The following MLLT3 variants were observed in gnomAD, a reference collection of about 807,000 sequenced individuals.
MLLT3 encodes MLLT3 super elongation complex subunit, also known as protein AF-9.
A neutral mutation model predicts 53.2 loss-of-function variants in MLLT3; 4 were observed. That is an observed-to-expected ratio of 0.08 (90% CI 0.04 to 0.17). The LOEUF is 0.17. Among genes scored for constraint, MLLT3 ranks in the 10% least tolerant of loss-of-function variants. MLLT3 has a pLI of 1.00. For synonymous variants in MLLT3, 283 were observed against 230.6 expected, an observed-to-expected ratio of 1.23 and a Z score of -2.06; for missense variants, 569 against 684.0, an observed-to-expected ratio of 0.83 and a Z score of 1.87.
At chr9:20,480,991 C>A (rs1285880951) in intron 2 of MLLT3, among the ~76,000 whole-genome samples, 2 of 152,002 alleles carry the variant, frequency 1.3e-5, no homozygotes, top group Non-Finnish European at 2.9e-5. Context: ...GCGAAGCACG[C>A]ACACACACAA....
chr9:20,497,427 T>G (rs1354786787), intron 2 of MLLT3, among the ~76,000 whole-genome samples: 1 of 152,204 alleles, frequency 6.6e-6, no homozygotes, highest in African/African-American at 2.4e-5. Context: ...CCGACCTTCA[T>G]GATCCTTTCC....
In MLLT3 at chr9:20,415,469, A is replaced by G. The variant is rs1181130304; in HGVS notation, c.421-1044T>C. The G allele has an allele frequency of 5.2e-6, 5 of 969,268 alleles. No individual in the cohort carries two copies. The African/African-American group carries it at 5.3e-5, about 10-fold the overall frequency. The allele number at this position is 969,268 out of a possible 1,614,324, so 60.0% of individuals were successfully genotyped here. A position where few individuals can be genotyped will look rare whatever the true frequency, so the allele number is the denominator to read the frequency against. On this transcript the variant is annotated intron_variant, in intron 4 of 10. Transcript: ENST00000380338. ...TGAACCTCTACCATTAATAGTAAGA[A>G]TAAGAAACAGAGAAGATCCTGGACA...
intron 4 of MLLT3, among the ~76,000 whole-genome samples, chr9:20,423,078 G>A (rs1170587047): frequency 6.6e-6 from 1 of 152,066 alleles, no homozygotes; most frequent in Middle Eastern, 3.2e-3. Context: ...CTTTTCTTTG[G>A]AGATGGTCTT....
chr9:20,582,133 C>CGATA (rs1819808127), intron 2 of MLLT3, among the ~76,000 whole-genome samples: 2 of 152,156 alleles, frequency 1.3e-5, no homozygotes, highest in Admixed American at 1.3e-4. Context: ...CTTACATATT[C>CGATA]CCTCTCCCCA....
chr9:20,556,677 C>T (rs1819065370), intron 2 of MLLT3, among the ~76,000 whole-genome samples: 1 of 151,920 alleles, frequency 6.6e-6, no homozygotes, highest in Non-Finnish European at 1.5e-5. Flanking sequence ...AGCAAAACTC[C>T]ATCTCAAAAT....
intron 2 of MLLT3, among the ~76,000 whole-genome samples, chr9:20,503,502 T>A (rs1459073910): frequency 6.6e-6 from 1 of 152,112 alleles, no homozygotes; most frequent in Non-Finnish European, 1.5e-5. Context: ...CACATAAGAA[T>A]GAAATTCGAC....
chr9:20,347,825 T>A (rs1820915902), intron 10 of MLLT3, among the ~76,000 whole-genome samples: 1 of 152,186 alleles, frequency 6.6e-6, no homozygotes, highest in Admixed American at 6.5e-5. Context: ...AAAAAGAGAA[T>A]AATTTTAATT....
At chr9:20,469,987 C>G (rs1824340307) in intron 2 of MLLT3, among the ~76,000 whole-genome samples, 1 of 151,760 alleles carries the variant, frequency 6.6e-6, no homozygotes, top group Non-Finnish European at 1.5e-5. Context: ...TAAAAGCCTT[C>G]CAGTTAATTT....
intron 5 of MLLT3, among the ~76,000 whole-genome samples, chr9:20,410,393 A>T (rs1012193944): frequency 1.3e-5 from 2 of 152,184 alleles, no homozygotes; most frequent in African/African-American, 4.8e-5. Flanking sequence ...TTAAATTTTC[A>T]ACAATAATCC....
rs558561744 is a variant in MLLT3, at chr9:20,355,621, G to C, written c.1432-742C>G. 3.9e-5 allele frequency among the ~76,000 whole-genome samples: 6 copies of C among 152,276 alleles called. 1 individual carries two copies. Among genetic ancestry groups the C allele is most frequent in the African/African-American group, 1.4e-4 (6 of 41,552 alleles). On this transcript the variant is annotated intron_variant, in intron 8 of 10. Coordinates refer to ENST00000380338, the MANE Select transcript of MLLT3 (RefSeq NM_004529.4). ...CTTTGACAGCATCTTCAAAACTGAG[G>C]ATTAAAAGGGAAGTATTTTTAAATG... is the stretch of plus-strand genomic sequence containing the variant.
rs75202674 is a variant in MLLT3 at position 20,496,552 on chromosome 9, A to G, written c.194-39766T>C. Among the ~76,000 whole-genome samples the G allele has an allele frequency of 0.01, 1,554 of 152,286 alleles. 68 individuals carry two copies. In the East Asian group the frequency reaches 0.14, roughly 14 times the overall value. The stretch of plus-strand genomic sequence containing the variant: ...CATAACACGCACTGTAAAAACACAC[A>G]CACACATTAAAAAAAATAAGCACTA... On this transcript the variant is annotated intron_variant, in intron 2 of 10. Coordinates refer to ENST00000380338, the MANE Select transcript of MLLT3 (RefSeq NM_004529.4).
rs1019279009 is a variant in MLLT3 at position 20,586,226 on chromosome 9, G to C, written c.193+34428C>G. On this transcript the variant is annotated intron_variant, in intron 2 of 10. Transcript: ENST00000380338. The stretch of plus-strand genomic sequence containing the variant: ...TCCCAGCTACTCTGGTAGCTGATGT[G>C]GGAGAACTGTTTGAGCCCAGATGGT... 6.6e-5 allele frequency among the ~76,000 whole-genome samples: 10 copies of C among 152,012 alleles called. No individual in the cohort carries two copies. The East Asian group carries it at 1.2e-3, about 18-fold the overall frequency.
At chr9:20,501,873 G>T (rs1416341355) in intron 2 of MLLT3, among the ~76,000 whole-genome samples, 1 of 151,450 alleles carries the variant, frequency 6.6e-6, no homozygotes, top group Admixed American at 6.6e-5. Context: ...CTGAGACCAG[G>T]AGTTCGAGAC....
intron 4 of MLLT3, among the ~76,000 whole-genome samples, chr9:20,432,504 T>C (rs1586945172): frequency 6.6e-6 from 1 of 152,156 alleles, no homozygotes; most frequent in African/African-American, 2.4e-5. Flanking sequence ...TAACAAACCG[T>C]AGGGCAGAAT....
chr9:20,556,010 T>C (rs1819047880), intron 2 of MLLT3, among the ~76,000 whole-genome samples: 1 of 152,188 alleles, frequency 6.6e-6, no homozygotes, highest in Admixed American at 6.5e-5. Context: ...CCCTTTTTCA[T>C]TTTTGACAAG....
chr9:20,363,733 A>G (rs1587157221), intron 6 of MLLT3, 128 bp from the exon 7 acceptor site: 1 of 815,086 alleles, frequency 1.2e-6, no homozygotes, highest in Non-Finnish European at 1.7e-6. Context: ...TATTTATACA[A>G]TTTACAAGGC....
chr9:20,353,843 C>T (rs1821097484), intron 9 of MLLT3, among the ~76,000 whole-genome samples: 1 of 152,178 alleles, frequency 6.6e-6, no homozygotes, highest in South Asian at 2.1e-4. Context: ...CTTAATTGCT[C>T]TTATGAAGAT....
chr9:20,514,980 A>C (rs571345273), intron 2 of MLLT3, among the ~76,000 whole-genome samples: 1 of 117,022 alleles, frequency 8.5e-6, no homozygotes, highest in East Asian at 2.4e-4. Context: ...GGAGTCTTGC[A>C]CTGTTGCCCG....
intron 2 of MLLT3, among the ~76,000 whole-genome samples, chr9:20,589,668 C>T (rs1820076244): frequency 6.7e-6 from 1 of 150,112 alleles, no homozygotes; most frequent in African/African-American, 2.4e-5. Context: ...TTGAAAGTTT[C>T]TTCTATGATG....
Sources: allele counts gnomAD v4.1 joint callset (sites outside exome capture counted in the v4.1 genomes callset), GRCh38; gene constraint gnomAD v4.1.1; transcripts MANE v1.5; gene names NCBI Gene and HGNC (gene_info 2026-07-23, HGNC 2026-07-21).